Variants in SCFD2 observed in about 807,000 individuals in gnomAD.
SCFD2 encodes sec1 family domain containing 2.
Under a neutral mutation model 58.9 loss-of-function variants are expected in SCFD2, and 54 were observed. The observed-to-expected ratio is 0.92, with a 90% CI of 0.74 to 1.15. The LOEUF (loss-of-function observed/expected upper bound fraction) is 1.15, where lower values mean the gene tolerates loss of function less well. SCFD2 is among the 50% of genes most tolerant of loss of function. SCFD2 has a pLI of 0.00. For missense variants in SCFD2, 805 were observed against 836.6 expected, an observed-to-expected ratio of 0.96 and a Z score of 0.47; for synonymous variants, 321 against 335.9, an observed-to-expected ratio of 0.96 and a Z score of 0.49.
At chr4:53,064,864 T>C (rs1272559109) in intron 5 of SCFD2, among the ~76,000 whole-genome samples, 1 of 152,118 alleles carries the variant, frequency 6.6e-6, no homozygotes, top group African/African-American at 2.4e-5. Context: ...TTCCATGAGA[T>C]AATACATGTA....
intron 2 of SCFD2, among the ~76,000 whole-genome samples, chr4:53,349,570 CT>C (rs1276184555): frequency 6.6e-6 from 1 of 152,224 alleles, no homozygotes; most frequent in African/African-American, 2.4e-5. Flanking sequence ...AGCCCTAAGA[CT>C]TTCTCTCTTG....
intron 2 of SCFD2, among the ~76,000 whole-genome samples, chr4:53,323,469 A>C (rs1316320979): frequency 1.3e-5 from 2 of 151,138 alleles, no homozygotes; most frequent in Non-Finnish European, 2.9e-5. Flanking sequence ...GACTTCCTGG[A>C]CCAAGTGACC....
intron 5 of SCFD2, among the ~76,000 whole-genome samples, chr4:53,107,382 A>G (rs1725036311): frequency 6.6e-6 from 1 of 152,190 alleles, no homozygotes; most frequent in Non-Finnish European, 1.5e-5. Context: ...AACGATATTA[A>G]CCTTAAACAT....
chr4:53,208,076 C>G (rs556844690), intron 4 of SCFD2, among the ~76,000 whole-genome samples: 8 of 152,042 alleles, frequency 5.3e-5, no homozygotes, highest in Non-Finnish European at 8.8e-5. Context: ...CCCACCTCAG[C>G]CTCCTGAGTA....
chr4:52,934,937 G>T (rs1265519294), intron 5 of SCFD2, among the ~76,000 whole-genome samples: 2 of 152,218 alleles, frequency 1.3e-5, no homozygotes, highest in African/African-American at 2.4e-5. Flanking sequence ...CTGCAATGAT[G>T]AAAATAGTCT....
chr4:53,258,547 T>TAC (rs1730725695), intron 4 of SCFD2, among the ~76,000 whole-genome samples: 1 of 22,856 alleles, frequency 4.4e-5, no homozygotes, highest in Non-Finnish European at 1.1e-4. Flanking sequence ...TGTATATATA[T>TAC]ATATATATAT....
intron 5 of SCFD2, among the ~76,000 whole-genome samples, chr4:53,123,756 T>C (rs1725549944): frequency 6.6e-6 from 1 of 152,188 alleles, no homozygotes; most frequent in African/African-American, 2.4e-5. Context: ...AGGAAAGTCA[T>C]TCCTCATGCT....
At chr4:53,361,396 T>C (rs891145012) in intron 1 of SCFD2, among the ~76,000 whole-genome samples, 2 of 152,356 alleles carry the variant, frequency 1.3e-5, no homozygotes, top group African/African-American at 4.8e-5. Context: ...GTGGGATTTT[T>C]ATTTTTACTT....
chr4:53,217,782 G>A (rs1231572532), intron 4 of SCFD2, among the ~76,000 whole-genome samples: 20 of 152,248 alleles, frequency 1.3e-4, no homozygotes, highest in Admixed American at 2.0e-4. Flanking sequence ...GGCTGGTAAC[G>A]GTTGTTCCTT....
At position 53,273,848 on chromosome 4, in the gene SCFD2, G is replaced by T. The variant is rs750416141; in HGVS notation, c.1289C>A (p.Ala430Asp). Residue 430 changes from alanine to aspartate, a missense_variant, in exon 4 of 9, where the codon GCT (alanine) becomes GAT (aspartate). Coordinates refer to ENST00000401642, the MANE Select transcript of SCFD2 (RefSeq NM_152540.4). ...PQTAKWDNFL[A>D]FERLLLQSIG... ...TACCTGAAGAAGGAGCCTTTCAAAA[G>T]CCAGAAAGTTGTCCCACTTGGCAGT... The T allele has an allele frequency of 6.2e-7, 1 of 1,613,352 alleles. No homozygotes were observed. The highest frequency in any genetic ancestry group is 1.1e-5 in the South Asian group (1 of 90,840).
chr4:53,318,582 A>C (rs2149116603), intron 2 of SCFD2, among the ~76,000 whole-genome samples: 1 of 152,318 alleles, frequency 6.6e-6, no homozygotes, highest in Admixed American at 6.5e-5. Context: ...AGCTTCAAAC[A>C]AATCAAAACT....
chr4:53,104,736 T>C (rs1309178865), intron 5 of SCFD2, among the ~76,000 whole-genome samples: 1 of 152,254 alleles, frequency 6.6e-6, no homozygotes, highest in Non-Finnish European at 1.5e-5. Flanking sequence ...CAAATCCATG[T>C]CAGCTGAACA....
At chr4:53,297,118 A>C (rs1043278979) in intron 3 of SCFD2, among the ~76,000 whole-genome samples, 3 of 152,148 alleles carry the variant, frequency 2.0e-5, no homozygotes, top group African/African-American at 7.2e-5. Context: ...TATTCTGTTA[A>C]TTTGAGGTGG....
chr4:52,919,272 C>A (rs1719679160), intron 6 of SCFD2, among the ~76,000 whole-genome samples: 1 of 152,182 alleles, frequency 6.6e-6, no homozygotes, highest in Admixed American at 6.5e-5. Context: ...CTACACCAGC[C>A]ACTTGCTTCT....
chr4:53,248,778 G>C (rs1730224374), intron 4 of SCFD2, among the ~76,000 whole-genome samples: 1 of 152,090 alleles, frequency 6.6e-6, no homozygotes, highest in Non-Finnish European at 1.5e-5. Flanking sequence ...CAAACAGAAA[G>C]GACACCCACA....
chr4:53,335,217 C>CAAA (rs1271483162), intron 2 of SCFD2, among the ~76,000 whole-genome samples: 20 of 115,054 alleles, frequency 1.7e-4, no homozygotes, highest in African/African-American at 4.3e-4. Context: ...AAAAAAACAA[C>CAAA]AAAAAAAAAA....
At chr4:53,224,404 A>AC (rs55877546) in intron 4 of SCFD2, among the ~76,000 whole-genome samples, 3,453 of 146,362 alleles carry the variant, frequency 0.024, 135 homozygotes, top group African/African-American at 0.069. Context: ...AAAAAAAAAA[A>AC]GAGTCTTACA....
At chr4:53,233,843 G>A (rs1334658856) in intron 4 of SCFD2, among the ~76,000 whole-genome samples, 4 of 152,176 alleles carry the variant, frequency 2.6e-5, no homozygotes, top group Non-Finnish European at 5.9e-5. Context: ...GGAGAAATGT[G>A]TAGGTCTCAT....
At chr4:53,026,495 CA>C (rs892403482) in intron 5 of SCFD2, among the ~76,000 whole-genome samples, 6 of 152,188 alleles carry the variant, frequency 3.9e-5, no homozygotes, top group African/African-American at 1.4e-4. Flanking sequence ...AACATAGCCA[CA>C]AGGCCAGTTT....
Sources: allele counts gnomAD v4.1 joint callset (sites outside exome capture counted in the v4.1 genomes callset), GRCh38; gene constraint gnomAD v4.1.1; transcripts MANE v1.5; gene names NCBI Gene and HGNC (gene_info 2026-07-23, HGNC 2026-07-21).